CWC27: variants seen among roughly 807,000 people sequenced by gnomAD.
CWC27 encodes spliceosome-associated protein CWC27 homolog.
CWC27 carries 47 observed loss-of-function variants against 63.6 expected under a neutral mutation model. The observed-to-expected ratio is 0.74, with a 90% CI of 0.58 to 0.94. CWC27 has a LOEUF of 0.94. CWC27 is among the 40% of genes least tolerant of loss of function. The pLI, the probability that CWC27 is intolerant of heterozygous loss-of-function variation, is 0.00. For synonymous variants in CWC27, 175 were observed against 179.8 expected, an observed-to-expected ratio of 0.97 and a Z score of 0.22; for missense variants, 495 against 554.3, an observed-to-expected ratio of 0.89 and a Z score of 1.07.
At chr5:64,842,373 A>C (rs1313031413) in intron 10 of CWC27, among the ~76,000 whole-genome samples, 1 of 143,368 alleles carries the variant, frequency 7.0e-6, no homozygotes, top group Non-Finnish European at 1.5e-5. Context: ...GCGTGGTCTC[A>C]GCTCACTACA....
intron 10 of CWC27, among the ~76,000 whole-genome samples, chr5:64,869,479 T>G (rs531429376): frequency 6.6e-6 from 1 of 152,062 alleles, no homozygotes; most frequent in African/African-American, 2.4e-5. Flanking sequence ...GTCCTGTTTG[T>G]CTGCCAGGTG....
Position 65,018,365 on chromosome 5 carries a change from A to C in CWC27, c.*44A>C. ...CAGAACTTGCTGGAAATGTGCCTAC[A>C]ATGGCCTTGTAACAGCCATTGTTCC... On this transcript the variant is annotated 3_prime_UTR_variant, in exon 14 of 14. Transcript: ENST00000381070. 6.6e-7 allele frequency: 1 copy of C among 1,520,524 alleles called. No homozygotes were observed. Among genetic ancestry groups the C allele is most frequent in the Admixed American group, 2.0e-5 (1 of 48,882 alleles). 94.2% of individuals were successfully genotyped at this position (1,520,524 alleles called of 1,614,324 possible).
At chr5:64,772,998 T>C (rs1430277262) in intron 1 of CWC27, among the ~76,000 whole-genome samples, 1 of 151,314 alleles carries the variant, frequency 6.6e-6, no homozygotes, top group Non-Finnish European at 1.5e-5. Flanking sequence ...ACTAGCCAAA[T>C]AGATTTATAG....
intron 13 of CWC27, among the ~76,000 whole-genome samples, chr5:65,006,853 A>G (rs926596392): frequency 6.6e-6 from 1 of 152,030 alleles, no homozygotes; most frequent in Non-Finnish European, 1.5e-5. Context: ...TGGGCTTAAT[A>G]CATGGATGAT....
intron 11 of CWC27, among the ~76,000 whole-genome samples, chr5:64,952,693 T>G (rs933319633): frequency 6.6e-6 from 1 of 151,956 alleles, no homozygotes; most frequent in African/African-American, 2.4e-5. Context: ...AATAAAAAAT[T>G]TTTATACTAT....
At chr5:65,007,388 A>G (rs999074883) in intron 13 of CWC27, among the ~76,000 whole-genome samples, 1 of 152,202 alleles carries the variant, frequency 6.6e-6, no homozygotes, top group African/African-American at 2.4e-5. Flanking sequence ...AAGGATATCA[A>G]GTAAAAGCTA....
chr5:64,959,931 G>A (rs575797245), intron 11 of CWC27, among the ~76,000 whole-genome samples: 1 of 152,258 alleles, frequency 6.6e-6, no homozygotes, highest in African/African-American at 2.4e-5. Context: ...GTTATGATAC[G>A]GTGTGCTTGG....
At chr5:64,893,225 T>C (rs769708030) in intron 11 of CWC27, among the ~76,000 whole-genome samples, 2 of 152,256 alleles carry the variant, frequency 1.3e-5, no homozygotes, top group African/African-American at 4.8e-5. Context: ...CAGACTGCTG[T>C]CAAGACCTTA....
intron 11 of CWC27, among the ~76,000 whole-genome samples, chr5:64,948,309 A>G (rs899786185): frequency 2.0e-5 from 3 of 152,020 alleles, no homozygotes; most frequent in African/African-American, 7.2e-5. Flanking sequence ...ATATTGTTTT[A>G]TGATATTTCA....
intron 11 of CWC27, among the ~76,000 whole-genome samples, chr5:64,947,858 TGGG>T (rs1748619938): frequency 6.6e-6 from 1 of 152,098 alleles, no homozygotes; most frequent in Non-Finnish European, 1.5e-5. Context: ...ATGTTCATTT[TGGG>T]CATTATCAGT....
intron 11 of CWC27, among the ~76,000 whole-genome samples, chr5:64,891,172 T>C (rs1449429090): frequency 6.6e-6 from 1 of 152,226 alleles, no homozygotes; most frequent in Non-Finnish European, 1.5e-5. Flanking sequence ...TTGTATTTAT[T>C]ATTCTTTAAT....
At chr5:64,784,168 G>T (rs1051323022) in intron 4 of CWC27, among the ~76,000 whole-genome samples, 189 bp downstream of exon 4, 1 of 152,140 alleles carries the variant, frequency 6.6e-6, no homozygotes, top group African/African-American at 2.4e-5. Context: ...GAGCATCTAA[G>T]TTCTTTTTGG....
chr5:64,994,624 A>G (rs1749597782), intron 13 of CWC27, among the ~76,000 whole-genome samples: 1 of 152,108 alleles, frequency 6.6e-6, no homozygotes, highest in South Asian at 2.1e-4. Context: ...ATCACCCCAG[A>G]ACATTCCCCC....
chr5:64,878,912 T>C (rs1190205511), intron 10 of CWC27, among the ~76,000 whole-genome samples: 1 of 151,874 alleles, frequency 6.6e-6, no homozygotes, highest in Non-Finnish European at 1.5e-5. Context: ...TAGTGCATAA[T>C]TCAATAGGAT....
intron 12 of CWC27, among the ~76,000 whole-genome samples, chr5:64,975,023 T>G (rs1337207992): frequency 6.6e-6 from 1 of 152,214 alleles, no homozygotes; most frequent in Non-Finnish European, 1.5e-5. Context: ...TCTGCAGCCC[T>G]CAGAATGCCT....
chr5:64,880,872 T>G (rs967666477), intron 10 of CWC27, among the ~76,000 whole-genome samples: 1 of 150,734 alleles, frequency 6.6e-6, no homozygotes, highest in Non-Finnish European at 1.5e-5. Context: ...TTTTTTTTTT[T>G]TTACCATTTA....
intron 10 of CWC27, among the ~76,000 whole-genome samples, chr5:64,870,039 T>A (rs1324423123): frequency 6.6e-6 from 1 of 152,076 alleles, no homozygotes; most frequent in Admixed American, 6.6e-5. Context: ...ACCCTTGTAG[T>A]GGCATAGTGG....
At chr5:64,973,520 A>G (rs1749164125) in intron 12 of CWC27, among the ~76,000 whole-genome samples, 1 of 152,224 alleles carries the variant, frequency 6.6e-6, no homozygotes, top group Non-Finnish European at 1.5e-5. Flanking sequence ...TTTCAGGAAA[A>G]GCCATAACTG....
intron 13 of CWC27, among the ~76,000 whole-genome samples, chr5:65,004,378 C>CTTTTT (rs70983659): frequency 1.3e-3 from 104 of 79,500 alleles, no homozygotes; most frequent in East Asian, 2.4e-3. Flanking sequence ...GTTGTATAGG[C>CTTTTT]TTTTTTTTTT....
Sources: allele counts gnomAD v4.1 joint callset (sites outside exome capture counted in the v4.1 genomes callset), GRCh38; gene constraint gnomAD v4.1.1; transcripts MANE v1.5; gene names NCBI Gene and HGNC (gene_info 2026-07-23, HGNC 2026-07-21).